Variants in CHRDL1 observed in about 807,000 individuals in gnomAD.
CHRDL1 encodes chordin-like protein 1.
Under a neutral mutation model 40.9 loss-of-function variants are expected in CHRDL1, and 19 were observed. That is an observed-to-expected ratio of 0.46 (90% CI 0.32 to 0.68). The LOEUF is 0.68. CHRDL1 is among the 30% of genes least tolerant of loss of function. The pLI, the probability that CHRDL1 is intolerant of heterozygous loss-of-function variation, is 0.03. For missense variants in CHRDL1, 329 were observed against 352.1 expected, an observed-to-expected ratio of 0.93 and a Z score of 0.53; for synonymous variants, 136 against 123.4, an observed-to-expected ratio of 1.10 and a Z score of -0.68.
chrX:110,684,537 C>G, intron 9 of CHRDL1, among the ~76,000 whole-genome samples: 1 of 112,086 alleles, frequency 8.9e-6, no homozygotes, highest in Non-Finnish European at 1.9e-5. Flanking sequence ...CATTCACTCT[C>G]TCTTGATCCT....
In CHRDL1 at chrX:110,708,009, A is replaced by G. The variant is rs183662455; in HGVS notation, c.542-7288T>C. ...GATATGAACAGACACTTCTCAAAAG[A>G]AGACATTTATATGGCCCACAAACAT... is the stretch of plus-strand genomic sequence containing the variant. On this transcript the variant is annotated intron_variant, in intron 6 of 11. Transcript: ENST00000372042. 3.3e-3 allele frequency among the ~76,000 whole-genome samples: 370 copies of G among 112,057 alleles called. 5 individuals are homozygous for G. The highest frequency in any genetic ancestry group is 2.4e-3 in the Non-Finnish European group (127 of 53,187).
chrX:110,696,437 G>A (rs1267022712), intron 7 of CHRDL1, among the ~76,000 whole-genome samples: 1 of 110,413 alleles, frequency 9.1e-6, no homozygotes, highest in Non-Finnish European at 1.9e-5. Context: ...AGGCCAAGGA[G>A]GAGAGGCAGT....
chrX:110,678,750 T>C (rs1299111723), intron 11 of CHRDL1, among the ~76,000 whole-genome samples: 1 of 110,832 alleles, frequency 9.0e-6, no homozygotes, highest in Non-Finnish European at 1.9e-5. Flanking sequence ...TTTATCCCAT[T>C]AGAAGTGCTC....
intron 9 of CHRDL1, among the ~76,000 whole-genome samples, chrX:110,687,711 A>G (rs1263380686): frequency 1.8e-5 from 2 of 111,825 alleles, no homozygotes; most frequent in Non-Finnish European, 3.8e-5. Context: ...GCAAAGAAGG[A>G]AACTGAAGCT....
chrX:110,793,357 G>A (rs764745870), intron 1 of CHRDL1, among the ~76,000 whole-genome samples: 31 of 112,024 alleles, frequency 2.8e-4, no homozygotes, highest in Admixed American at 2.5e-3. Context: ...GCATAACCAA[G>A]GAAGAACTGA....
chrX:110,764,944 G>A (rs773775000), intron 2 of CHRDL1, among the ~76,000 whole-genome samples: 11 of 111,138 alleles, frequency 9.9e-5, no homozygotes, highest in African/African-American at 1.6e-4. Flanking sequence ...CTCTGCTCTC[G>A]AACCCTGTTT....
chrX:110,789,055 T>C (rs1057332508), intron 2 of CHRDL1, among the ~76,000 whole-genome samples: 2 of 111,312 alleles, frequency 1.8e-5, no homozygotes, highest in Non-Finnish European at 3.8e-5. Context: ...AAAATACAAC[T>C]TAAAGATTAA....
intron 7 of CHRDL1, among the ~76,000 whole-genome samples, chrX:110,699,863 C>G (rs2070476224): frequency 8.9e-6 from 1 of 112,342 alleles, no homozygotes; most frequent in African/African-American, 3.2e-5. Context: ...TTTATGAAAA[C>G]AACAACGCAG....
rs1364852844 is a variant in CHRDL1, at chrX:110,721,349, A to G, written c.447+36T>C. ...ACAGAGGAAGCTCTTGTATTTGAGTAGGGCCTAGCAGGAATGTTAAGATGT... is the reference window on the plus strand; with the variant it reads ...ACAGAGGAAGCTCTTGTATTTGAGTGGGGCCTAGCAGGAATGTTAAGATGT... On this transcript the variant is annotated intron_variant, in intron 5 of 11. Transcript: ENST00000372042. 3.4e-6 allele frequency: 4 copies of G among 1,179,475 alleles called. No individual in the cohort carries two copies. In the South Asian group the frequency reaches 7.1e-5, roughly 21 times the overall value.
intron 4 of CHRDL1, among the ~76,000 whole-genome samples, chrX:110,722,227 C>T (rs1316159734): frequency 9.0e-6 from 1 of 111,101 alleles, no homozygotes; most frequent in Non-Finnish European, 1.9e-5. Flanking sequence ...AAACTCCTGA[C>T]CTCAATTGAT....
intron 4 of CHRDL1, among the ~76,000 whole-genome samples, chrX:110,732,786 AG>A (rs1480949190): frequency 1.8e-5 from 2 of 108,574 alleles, no homozygotes; most frequent in Non-Finnish European, 1.9e-5. Flanking sequence ...TTTGGGGGGC[AG>A]GGGGAGGGCC....
chrX:110,678,137 CT>C (rs2069818414), intron 11 of CHRDL1, among the ~76,000 whole-genome samples: 1 of 111,946 alleles, frequency 8.9e-6, no homozygotes, highest in East Asian at 2.8e-4. Flanking sequence ...GCACCATTCA[CT>C]TGCTTAAAAA....
rs923596257 is a variant in CHRDL1, at chrX:110,728,716, C to T, written c.302-7186G>A. On this transcript the variant is annotated intron_variant, in intron 4 of 11. Transcript: ENST00000372042. Reference sequence around the variant, plus strand: ...ACAAATAAGGTTGCTAGTGGGAAATCACCCATGGCCTTCTACCAGAGCACT... The same window carrying T: ...ACAAATAAGGTTGCTAGTGGGAAATTACCCATGGCCTTCTACCAGAGCACT... 2.7e-5 allele frequency among the ~76,000 whole-genome samples: 3 copies of T among 112,294 alleles called. No homozygotes were observed. In the Admixed American group the frequency reaches 2.8e-4, roughly 11 times the overall value.
Position 110,676,298 on chromosome X carries a change from C to T in CHRDL1, c.1310G>A (p.Cys437Tyr). The T allele has an allele frequency of 8.3e-7, 1 of 1,207,008 alleles. No individual in the cohort carries two copies. The highest frequency in any genetic ancestry group is 1.1e-6 in the Non-Finnish European group (1 of 891,235). The change falls in exon 12 of 12, where the codon TGC (cysteine) becomes TAC (tyrosine). Residue 437 changes from cysteine (C) to tyrosine (Y), a missense_variant. Cys to Tyr is a radical substitution (Grantham distance 194, BLOSUM62 -2). Transcript: ENST00000372042. The stretch of plus-strand genomic sequence containing the variant: ...GACTAAATCTTCAAGCTCTGTTCTG[C>T]ATACACGACTTGAACACATCTGGCT... Reference protein sequence around the residue: ...QISQMCSSRVCRTELEDLVKV... With the variant: ...QISQMCSSRVYRTELEDLVKV...
chrX:110,789,222 A>C (rs2090061907), intron 2 of CHRDL1, among the ~76,000 whole-genome samples: 1 of 112,116 alleles, frequency 8.9e-6, no homozygotes, highest in African/African-American at 3.2e-5. Flanking sequence ...GCAGAAAGAG[A>C]AAAATACCAA....
At chrX:110,781,893 T>C (rs772848116) in intron 2 of CHRDL1, among the ~76,000 whole-genome samples, 25 of 112,301 alleles carry the variant, frequency 2.2e-4, no homozygotes, top group Admixed American at 6.6e-4. Flanking sequence ...CACTATTAAA[T>C]GGATCGCTTC....
intron 4 of CHRDL1, among the ~76,000 whole-genome samples, chrX:110,730,154 G>A (rs2071130807): frequency 8.9e-6 from 1 of 111,943 alleles, no homozygotes; most frequent in South Asian, 3.8e-4. Flanking sequence ...ATTATATACT[G>A]TAAATTTTAG....
rs370250322 is a variant in CHRDL1 at position 110,713,835 on chromosome X, A to G, written c.541+6000T>C. ...GCTACATTTAGACACCATTTACTAA[A>G]TGCATACTTGGCTTTCAATACAGTT... On this transcript the variant is annotated intron_variant, in intron 6 of 11. Transcript: ENST00000372042. 4.5e-5 allele frequency among the ~76,000 whole-genome samples: 5 copies of G among 112,044 alleles called. No homozygotes were observed. The East Asian group carries it at 1.1e-3, about 25-fold the overall frequency.
In CHRDL1 at chrX:110,689,755, CTATATATCTATATATATCTATATATCTA is replaced by C. The variant is rs2070182608; in HGVS notation, c.779-980_779-953del. Among the ~76,000 whole-genome samples, 2 of 25,723 alleles carry C rather than the reference CTATATATCTATATATATCTATATATCTA, an allele frequency of 7.8e-5. 1 individual carries two copies. The allele number at this position is 25,723 out of a possible 115,157, so 22.3% of individuals were successfully genotyped here. A position where few individuals can be genotyped will look rare whatever the true frequency, so the allele number is the denominator to read the frequency against. On this transcript the variant is annotated intron_variant, in intron 8 of 11. Coordinates refer to ENST00000372042, the MANE Select transcript of CHRDL1 (RefSeq NM_001143981.2). ...TATATATCTATATATATCTATATAT[CTATATATCTATATATATCTATATATCTA>C]TATATATCTATACATCTATATATCT...
Sources: gnomAD v4.1 joint callset for allele counts (sites outside exome capture counted in the v4.1 genomes callset) on GRCh38, gnomAD v4.1.1 for gene constraint, MANE v1.5 for transcripts, NCBI Gene and HGNC (gene_info 2026-07-23, HGNC 2026-07-21) for gene names.